Variants in CDH13 observed in about 807,000 individuals in gnomAD.
The protein encoded by CDH13 is cadherin 13, also known as cadherin-13.
CDH13 carries 24 observed loss-of-function variants against 63.8 expected under a neutral mutation model. The observed-to-expected ratio is 0.38, with a 90% CI of 0.27 to 0.53. The LOEUF (loss-of-function observed/expected upper bound fraction) is 0.53. CDH13 is among the 20% of genes least tolerant of loss of function. The pLI, the probability that CDH13 is intolerant of heterozygous loss-of-function variation, is 0.85. For missense variants in CDH13, 1,049 were observed against 903.1 expected (o/e 1.16, Z -2.07); for synonymous variants, 503 against 355.3 (o/e 1.42, Z -4.67).
chr16:83,200,352 A>T (rs1020235299), intron 4 of CDH13, among the ~76,000 whole-genome samples: 1 of 152,180 alleles, frequency 6.6e-6, no homozygotes, highest in Admixed American at 6.5e-5. Flanking sequence ...GTTAAGACTA[A>T]ACCAGTCTCC....
At position 82,969,553 on chromosome 16, in the gene CDH13, A is replaced by G. The variant is rs140896900; in HGVS notation, c.158-62457A>G. ...TGGAAAGATGATGGGGCTAGCCCATAGTTTCTCAACCTGGGCAATATTGAC... is the reference window on the plus strand; with the variant it reads ...TGGAAAGATGATGGGGCTAGCCCATGGTTTCTCAACCTGGGCAATATTGAC... On this transcript the variant is annotated intron_variant, in intron 2 of 13. Coordinates refer to ENST00000567109, the MANE Select transcript of CDH13 (RefSeq NM_001257.5). 3.8e-3 allele frequency among the ~76,000 whole-genome samples: 554 copies of G among 147,706 alleles called. 13 individuals are homozygous for G. Among genetic ancestry groups the G allele is most frequent in the Middle Eastern group, 0.035 (10 of 284 alleles).
At chr16:83,561,081 C>A (rs761682623) in intron 7 of CDH13, among the ~76,000 whole-genome samples, 7 of 152,120 alleles carry the variant, frequency 4.6e-5, no homozygotes, top group Non-Finnish European at 8.8e-5. Flanking sequence ...AACCAATAAA[C>A]CATTTTTGTT....
chr16:82,694,444 A>G (rs2030010468), intron 1 of CDH13, among the ~76,000 whole-genome samples: 1 of 152,160 alleles, frequency 6.6e-6, no homozygotes, highest in Admixed American at 6.6e-5. Context: ...TTCTTGGGTA[A>G]TTGCCTTTTT....
intron 3 of CDH13, among the ~76,000 whole-genome samples, chr16:83,086,018 G>C (rs1028478061): frequency 4.6e-5 from 7 of 152,168 alleles, no homozygotes; most frequent in Non-Finnish European, 8.8e-5. Flanking sequence ...GCCTTCTACA[G>C]CTAAGGCAGG....
At chr16:82,955,375 G>C (rs1905922540) in intron 2 of CDH13, among the ~76,000 whole-genome samples, 1 of 152,164 alleles carries the variant, frequency 6.6e-6, no homozygotes, top group Non-Finnish European at 1.5e-5. Flanking sequence ...GAGTTGAGTA[G>C]GTTCTGGATT....
chr16:82,670,240 T>C (rs10514550), intron 1 of CDH13, among the ~76,000 whole-genome samples: 19,506 of 152,152 alleles, frequency 0.13, 1,623 homozygotes, highest in East Asian at 0.27. Flanking sequence ...AAATCCCTAG[T>C]CGGAACATTT....
intron 5 of CDH13, among the ~76,000 whole-genome samples, chr16:83,330,272 A>G (rs1222202892): frequency 1.3e-5 from 2 of 152,246 alleles, no homozygotes; most frequent in Non-Finnish European, 2.9e-5. Context: ...CCAGAATTGT[A>G]TAAATGCCAA....
At chr16:83,783,635 T>C (rs949118568) in intron 13 of CDH13, among the ~76,000 whole-genome samples, 163 bp downstream of exon 13, 6 of 152,354 alleles carry the variant, frequency 3.9e-5, no homozygotes, top group Admixed American at 3.3e-4. Context: ...TATGTAAAAG[T>C]GCTCCCACTG....
intron 11 of CDH13, among the ~76,000 whole-genome samples, chr16:83,772,635 C>T (rs1445621933): frequency 2.6e-5 from 4 of 152,266 alleles, no homozygotes; most frequent in Admixed American, 2.6e-4. Flanking sequence ...TAAAATCAAG[C>T]CATGTTTAAA....
intron 8 of CDH13, among the ~76,000 whole-genome samples, chr16:83,647,337 A>G (rs1323331871): frequency 1.3e-5 from 2 of 150,672 alleles, no homozygotes; most frequent in Admixed American, 6.6e-5. Flanking sequence ...AAAAAATTAC[A>G]CTAGCATCCA....
intron 3 of CDH13, among the ~76,000 whole-genome samples, chr16:83,079,110 T>C (rs1354526263): frequency 1.3e-5 from 2 of 152,158 alleles, no homozygotes; most frequent in African/African-American, 2.4e-5. Flanking sequence ...TTTTCATGCA[T>C]TGAAGTTCAC....
intron 1 of CDH13, among the ~76,000 whole-genome samples, chr16:82,792,313 G>A (rs183414638): frequency 6.6e-6 from 1 of 152,248 alleles, no homozygotes; most frequent in East Asian, 1.9e-4. Flanking sequence ...TTTCTCGCTT[G>A]CTTGGAAAAT....
At chr16:82,883,281 A>T (rs1163924793) in intron 2 of CDH13, among the ~76,000 whole-genome samples, 1 of 152,228 alleles carries the variant, frequency 6.6e-6, no homozygotes, top group Non-Finnish European at 1.5e-5. Context: ...TGCTTTCTAT[A>T]TTAGCTGTTG....
intron 7 of CDH13, among the ~76,000 whole-genome samples, chr16:83,541,762 T>C (rs573031648): frequency 1.6e-4 from 24 of 152,336 alleles, no homozygotes; most frequent in African/African-American, 5.3e-4. Context: ...TTGCAGCAGT[T>C]AATGTTGCTC....
chr16:83,645,544 C>A (rs892958538), intron 8 of CDH13, among the ~76,000 whole-genome samples: 4 of 151,904 alleles, frequency 2.6e-5, no homozygotes, highest in South Asian at 4.2e-4. Context: ...CATGCCCCCC[C>A]CCAATCTAAA....
chr16:83,323,275 TTTTTTTC>T (rs2090281520), intron 5 of CDH13, among the ~76,000 whole-genome samples: 1 of 90,392 alleles, frequency 1.1e-5, no homozygotes, highest in African/African-American at 4.5e-5. Flanking sequence ...TCTTGTTTTC[TTTTTTTC>T]TTTTTTTTTT....
At chr16:83,101,838 G>T (rs1194342835) in intron 3 of CDH13, among the ~76,000 whole-genome samples, 1 of 152,150 alleles carries the variant, frequency 6.6e-6, no homozygotes, top group Non-Finnish European at 1.5e-5. Context: ...GGCTCATGGA[G>T]TAGGTGACTT....
intron 7 of CDH13, among the ~76,000 whole-genome samples, chr16:83,534,267 C>G: frequency 6.6e-6 from 1 of 152,212 alleles, no homozygotes; most frequent in Non-Finnish European, 1.5e-5. Context: ...AGAGGCAGAG[C>G]TGTGGATCCT....
intron 6 of CDH13, among the ~76,000 whole-genome samples, chr16:83,419,611 C>G (rs1192868228): frequency 6.6e-6 from 1 of 152,172 alleles, no homozygotes; most frequent in Non-Finnish European, 1.5e-5. Context: ...ATGGCTGTAG[C>G]ATATTTCCTA....
Sources: gnomAD v4.1 joint callset for allele counts (sites outside exome capture counted in the v4.1 genomes callset) on GRCh38, gnomAD v4.1.1 for gene constraint, MANE v1.5 for transcripts, NCBI Gene and HGNC (gene_info 2026-07-23, HGNC 2026-07-21) for gene names.